The following SLC7A6 variants were observed in gnomAD, a reference collection of about 807,000 sequenced individuals.
The protein encoded by SLC7A6 is solute carrier family 7 member 6, also known as Y+L amino acid transporter 2.
Under a neutral mutation model 46.6 loss-of-function variants are expected in SLC7A6, and 29 were observed. The observed-to-expected ratio is 0.62, with a 90% CI of 0.46 to 0.85. The LOEUF (loss-of-function observed/expected upper bound fraction) is 0.85, where lower values mean the gene tolerates loss of function less well. Ranked by LOEUF, SLC7A6 falls within the 40% of genes least tolerant of loss-of-function variation. The probability of loss-of-function intolerance (pLI) is 0.00; values close to 1 mark genes in which losing one functional copy is unlikely to be tolerated. For missense variants in SLC7A6, 527 were observed against 647.6 expected (o/e 0.81, Z 2.02); for synonymous variants, 276 against 257.3 (o/e 1.07, Z -0.70).
intron 2 of SLC7A6, among the ~76,000 whole-genome samples, chr16:68,267,733 G>T (rs2042559522): frequency 6.6e-6 from 1 of 152,178 alleles, no homozygotes; most frequent in African/African-American, 2.4e-5. Context: ...GTGGCTGGCA[G>T]CCCCTAGAAA....
At chr16:68,295,364 AAG>A (rs1165223063) in intron 8 of SLC7A6, among the ~76,000 whole-genome samples, 1 of 152,242 alleles carries the variant, frequency 6.6e-6, no homozygotes, top group Non-Finnish European at 1.5e-5. Context: ...TCATCAAAGT[AAG>A]AGAAAAATTC....
At chr16:68,269,282 T>C (rs1555529694) in intron 2 of SLC7A6, among the ~76,000 whole-genome samples, 1 of 152,212 alleles carries the variant, frequency 6.6e-6, no homozygotes, top group Non-Finnish European at 1.5e-5. Flanking sequence ...CTTTTCCTCT[T>C]GATAGTGGGT....
At chr16:68,283,636 T>G (rs2042871439) in intron 3 of SLC7A6, among the ~76,000 whole-genome samples, 1 of 151,962 alleles carries the variant, frequency 6.6e-6, no homozygotes, top group African/African-American at 2.4e-5. Context: ...CACAGAGACT[T>G]TGGGGATTTG....
rs900735196 is a variant in SLC7A6 at position 68,264,745 on chromosome 16, AG to A, written c.-166+176del. 2 of 151,824 alleles carry A rather than the reference AG, an allele frequency of 1.3e-5. No individual in the cohort carries two copies. Among genetic ancestry groups the A allele is most frequent in the Non-Finnish European group, 2.9e-5 (2 of 68,002 alleles). 9.4% of individuals were successfully genotyped at this position (151,824 alleles called of 1,614,324 possible). A position where few individuals can be genotyped will look rare whatever the true frequency, so the allele number is the denominator to read the frequency against. On this transcript the variant is annotated intron_variant, in intron 1 of 10. Coordinates refer to ENST00000219343, the MANE Select transcript of SLC7A6 (RefSeq NM_003983.6). The surrounding 1 kb of genome is among the most constrained non-coding windows in gnomAD (Gnocchi z 5.8). Reference sequence around the variant, plus strand: ...GGCCGCGCGAGAGGCGCTGCGGGTGAGGGGGGGCGCCACGAGGAGAGAGGGA... The same window carrying A: ...GGCCGCGCGAGAGGCGCTGCGGGTGAGGGGGGCGCCACGAGGAGAGAGGGA...
chr16:68,290,601 G>C (rs997283796), intron 5 of SLC7A6, 61 bp downstream of exon 5: 2 of 1,590,814 alleles, frequency 1.3e-6, no homozygotes, highest in Admixed American at 1.7e-5. Flanking sequence ...GATAGTGGGC[G>C]TGCCTGCCCT....
intron 7 of SLC7A6, among the ~76,000 whole-genome samples, chr16:68,293,961 G>A (rs1204675571): frequency 2.0e-5 from 3 of 152,026 alleles, no homozygotes; most frequent in Admixed American, 6.5e-5. Context: ...GCAATGGTGC[G>A]ATCTCGGCTC....
At chr16:68,286,278 G>T (rs1432759859) in intron 3 of SLC7A6, among the ~76,000 whole-genome samples, 2 of 152,072 alleles carry the variant, frequency 1.3e-5, no homozygotes, top group Non-Finnish European at 2.9e-5. Flanking sequence ...ATGCCATGTG[G>T]TTCAGGAGAG....
In SLC7A6 at chr16:68,301,582, CA is replaced by C; in HGVS notation, c.*4255del. ...TTTAAAGAAGGAATCACTTTCCTAT[CA>C]TCTAAACCAAGTTCCTTCACACTGG... On this transcript the variant is annotated 3_prime_UTR_variant, in exon 11 of 11. Transcript: ENST00000219343. The C allele has an allele frequency of 2.0e-6, 1 of 498,570 alleles. No individual in the cohort carries two copies. The highest frequency in any genetic ancestry group is 3.4e-6 in the Non-Finnish European group (1 of 293,308). The allele number at this position is 498,570 out of a possible 1,614,324, so 30.9% of individuals were successfully genotyped here.
chr16:68,283,501 T>C (rs2042866365), intron 3 of SLC7A6, among the ~76,000 whole-genome samples: 1 of 152,188 alleles, frequency 6.6e-6, no homozygotes, highest in Non-Finnish European at 1.5e-5. Context: ...TGCACAGCCG[T>C]ACCTACCTGC....
At position 68,301,334 on chromosome 16, in the gene SLC7A6, G is replaced by T; in HGVS notation, c.*4006G>T. 1 of 1,614,092 alleles carries T rather than the reference G, an allele frequency of 6.2e-7. No homozygotes were observed. On this transcript the variant is annotated 3_prime_UTR_variant, in exon 11 of 11. Coordinates refer to ENST00000219343, the MANE Select transcript of SLC7A6 (RefSeq NM_003983.6). ...CCGAACTCCTTCTGCACATCCAGAGGGTACTTGCTCCACATCCGCTGTCTG... is the reference window on the plus strand; with the variant it reads ...CCGAACTCCTTCTGCACATCCAGAGTGTACTTGCTCCACATCCGCTGTCTG...
chr16:68,286,474 G>A (rs1341969723), intron 3 of SLC7A6, among the ~76,000 whole-genome samples: 1 of 152,176 alleles, frequency 6.6e-6, no homozygotes, highest in African/African-American at 2.4e-5. Flanking sequence ...GAAGGAGAGA[G>A]TGCAAAGTGG....
At chr16:68,291,438 CAT>C in intron 6 of SLC7A6, 106 bp downstream of exon 6, 1 of 1,574,400 alleles carries the variant, frequency 6.4e-7, no homozygotes. Flanking sequence ...AGGATGAGGT[CAT>C]GAGTCTAGGC....
chr16:68,270,956 T>C (rs2042615012), intron 2 of SLC7A6, among the ~76,000 whole-genome samples: 1 of 151,584 alleles, frequency 6.6e-6, no homozygotes, highest in African/African-American at 2.4e-5. Flanking sequence ...CCTCCTTGGC[T>C]CAAGAAATAC....
Position 68,290,444 on chromosome 16 carries a change from T to C in SLC7A6, c.698T>C (p.Met233Thr), listed in dbSNP as rs1183789283. ...GCCTTTGAGGGTTCCTCCTGGGACATGGGAAACCTCTCTCTTGCCCTCTAC... is the reference window on the plus strand; with the variant it reads ...GCCTTTGAGGGTTCCTCCTGGGACACGGGAAACCTCTCTCTTGCCCTCTAC... ...QDAFEGSSWD[M>T]GNLSLALYSA... is the part of the protein sequence containing the mutation. The change falls in exon 5 of 11, where the codon ATG becomes ACG. Residue 233 changes from methionine (M) to threonine (T), a missense_variant. Physicochemically the swap from Met to Thr is moderately conservative, Grantham distance 81 (BLOSUM62 -1). Coordinates refer to ENST00000219343, the MANE Select transcript of SLC7A6 (RefSeq NM_003983.6). 6.8e-6 allele frequency: 11 copies of C among 1,614,022 alleles called. No individual in the cohort carries two copies. The Admixed American group carries it at 1.2e-4, about 17-fold the overall frequency.
intron 3 of SLC7A6, among the ~76,000 whole-genome samples, chr16:68,276,131 A>G (rs1339554297): frequency 5.3e-5 from 8 of 152,062 alleles, no homozygotes; most frequent in Admixed American, 5.2e-4. Context: ...ACAACAAAAC[A>G]CCTTTTCTTC....
Position 68,296,344 on chromosome 16 carries a change from T to A in SLC7A6, c.1120-20T>A, listed in dbSNP as rs1419159753. On this transcript the variant is annotated intron_variant, in intron 8 of 10. Coordinates refer to ENST00000219343, the MANE Select transcript of SLC7A6 (RefSeq NM_003983.6). Reference sequence around the variant, plus strand: ...CAGGTGGTGACGATGCTCACCTGTCTCCCCACCCCTTTCCCACAGTGCACC... The same window carrying A: ...CAGGTGGTGACGATGCTCACCTGTCACCCCACCCCTTTCCCACAGTGCACC... 1 of 1,613,380 alleles carries A rather than the reference T, an allele frequency of 6.2e-7. No individual in the cohort carries two copies. The highest frequency in any genetic ancestry group is 1.1e-5 in the South Asian group (1 of 91,072).
chr16:68,289,300 CAGAAAA>C (rs1163878867), intron 4 of SLC7A6, among the ~76,000 whole-genome samples: 2 of 151,994 alleles, frequency 1.3e-5, no homozygotes, highest in African/African-American at 4.8e-5. Context: ...TCTCAAAAAA[CAGAAAA>C]AGAAAAAGAA....
intron 7 of SLC7A6, among the ~76,000 whole-genome samples, chr16:68,294,039 A>T (rs778466675): frequency 2.0e-5 from 3 of 152,192 alleles, no homozygotes; most frequent in Non-Finnish European, 4.4e-5. Flanking sequence ...CTGGGATTAC[A>T]GGCATGTGCT....
intron 1 of SLC7A6, chr16:68,265,618 C>T (rs2042518371): frequency 6.6e-6 from 1 of 152,122 alleles, no homozygotes; most frequent in Admixed American, 6.5e-5. Context: ...TATATCAGTT[C>T]CACCTCTTTT....
Sources: gnomAD v4.1 joint callset for allele counts (sites outside exome capture counted in the v4.1 genomes callset) on GRCh38, gnomAD v4.1.1 for gene constraint, Gnocchi (gnomAD v3.1) non-coding constraint, MANE v1.5 for transcripts, NCBI Gene and HGNC (gene_info 2026-07-23, HGNC 2026-07-21) for gene names.